The following DDX60L variants were observed in gnomAD, a reference collection of about 807,000 sequenced individuals.
DDX60L encodes probable ATP-dependent RNA helicase DDX60-like.
DDX60L carries 191 observed loss-of-function variants against 211.6 expected under a neutral mutation model. The observed-to-expected ratio is 0.90, with a 90% CI of 0.80 to 1.02. The LOEUF (loss-of-function observed/expected upper bound fraction) is 1.02, where lower values mean the gene tolerates loss of function less well. Ranked by LOEUF, DDX60L falls within the 50% of genes least tolerant of loss-of-function variation. DDX60L has a pLI of 0.00. For missense variants in DDX60L, 2,007 were observed against 1,984.1 expected, an observed-to-expected ratio of 1.01 and a Z score of -0.22; for synonymous variants, 706 against 694.1, an observed-to-expected ratio of 1.02 and a Z score of -0.27.
intron 29 of DDX60L, among the ~76,000 whole-genome samples, chr4:168,387,703 G>T (rs1744143344): frequency 6.6e-6 from 1 of 152,148 alleles, no homozygotes; most frequent in African/African-American, 2.4e-5. Flanking sequence ...AAAAGTAATT[G>T]GACGATCTGT....
chr4:168,407,757 G>T (rs1748003660), intron 22 of DDX60L, among the ~76,000 whole-genome samples: 1 of 152,184 alleles, frequency 6.6e-6, no homozygotes, highest in Non-Finnish European at 1.5e-5. Flanking sequence ...AGCAAAGAAA[G>T]GCTGTTTGAT....
intron 8 of DDX60L, among the ~76,000 whole-genome samples, chr4:168,449,805 TAA>T (rs777111638): frequency 2.0e-3 from 156 of 77,788 alleles, no homozygotes; most frequent in African/African-American, 3.6e-3. Flanking sequence ...TGGGTAAAAA[TAA>T]AAAAAAAAAA....
At chr4:168,476,376 A>G (rs919009014) in intron 1 of DDX60L, among the ~76,000 whole-genome samples, 10 of 152,194 alleles carry the variant, frequency 6.6e-5, no homozygotes, top group African/African-American at 2.4e-4. Context: ...TTGAACATCA[A>G]TGAATACTAA....
Position 168,369,617 on chromosome 4 carries a change from A to T in DDX60L, c.4928+1995T>A, listed in dbSNP as rs572480346. On this transcript the variant is annotated intron_variant, in intron 36 of 37. Coordinates refer to ENST00000682922, the MANE Select transcript of DDX60L (RefSeq NM_001012967.3). ...TACATCAAACTAAAAAGTTTTCCAC[A>T]GTAAAGAAAACAACAGAGTGGAGAG... Among the ~76,000 whole-genome samples, 5 of 152,322 alleles carry T rather than the reference A, an allele frequency of 3.3e-5. No individual in the cohort carries two copies. In the South Asian group the frequency reaches 8.3e-4, roughly 25 times the overall value.
chr4:168,365,720 C>T (rs949873865), intron 36 of DDX60L, among the ~76,000 whole-genome samples: 3 of 151,852 alleles, frequency 2.0e-5, no homozygotes, highest in Admixed American at 6.6e-5. Context: ...GATACAGCAA[C>T]AACAACAAAA....
intron 24 of DDX60L, among the ~76,000 whole-genome samples, chr4:168,404,781 T>A (rs1369492793): frequency 6.6e-6 from 1 of 152,198 alleles, no homozygotes; most frequent in Non-Finnish European, 1.5e-5. Context: ...ATCAGGAAAA[T>A]TAACATTAAA....
intron 4 of DDX60L, among the ~76,000 whole-genome samples, chr4:168,465,698 A>C (rs1291167587): frequency 1.3e-5 from 2 of 152,062 alleles, no homozygotes; most frequent in African/African-American, 2.4e-5. Flanking sequence ...GTTCAGTTTC[A>C]TTTTCCTGCA....
Position 168,400,846 on chromosome 4 carries a change from C to G in DDX60L, c.3471G>C (p.Val1157=). The change falls in exon 26 of 38, where the codon GTG becomes GTC. Residue 1157 remains valine (V), a synonymous_variant. Transcript: ENST00000682922. ...CTTACATCCTTTTCTGTGTCTTCCTCACTTTTTCAAGTACTTCATCTATTG... is the reference window on the plus strand; with the variant it reads ...CTTACATCCTTTTCTGTGTCTTCCTGACTTTTTCAAGTACTTCATCTATTG... ...VFAIDEVLEK[V]RKTQKRITKK... 6.2e-7 allele frequency: 1 copy of G among 1,612,156 alleles called. No homozygotes were observed. The highest frequency in any genetic ancestry group is 1.1e-5 in the South Asian group (1 of 90,412).
intron 28 of DDX60L, among the ~76,000 whole-genome samples, chr4:168,393,556 C>G (rs1043953382): frequency 3.9e-5 from 6 of 152,088 alleles, no homozygotes; most frequent in African/African-American, 1.4e-4. Flanking sequence ...TTCTACACAA[C>G]TCTTCACACA....
intron 29 of DDX60L, among the ~76,000 whole-genome samples, chr4:168,386,762 G>A (rs955483398): frequency 5.9e-5 from 9 of 152,032 alleles, no homozygotes; most frequent in African/African-American, 2.2e-4. Flanking sequence ...TGAAGATTAC[G>A]TGGTAGACAA....
chr4:168,371,829 AT>A, intron 35 of DDX60L, 66 bp from the exon 36 acceptor site: 2 of 1,395,622 alleles, frequency 1.4e-6, no homozygotes, highest in Middle Eastern at 1.9e-4. Context: ...GCAGTTTGAG[AT>A]TTCCTTTGTA....
rs760629963 is a variant in DDX60L, at chr4:168,375,379, ATTC to A, written c.4628_4630del (p.Arg1543del). 6 of 1,611,468 alleles carry A rather than the reference ATTC, an allele frequency of 3.7e-6. No homozygotes were observed. In the East Asian group the frequency reaches 1.3e-4, roughly 36 times the overall value. On this transcript the variant is annotated inframe_deletion, in exon 34 of 38. Transcript: ENST00000682922. ...GAATGGAACTAAAATCTGCTTACTGATTCTTGACAAAGGGAGTTGATGCTCTTT... is the reference window on the plus strand; with the variant it reads ...GAATGGAACTAAAATCTGCTTACTGATTGACAAAGGGAGTTGATGCTCTTT...
At chr4:168,476,860 C>T (rs1264723674) in intron 1 of DDX60L, among the ~76,000 whole-genome samples, 1 of 152,100 alleles carries the variant, frequency 6.6e-6, no homozygotes, top group South Asian at 2.1e-4. Flanking sequence ...GCCAGACTTT[C>T]GAGAAATAGG....
intron 28 of DDX60L, among the ~76,000 whole-genome samples, chr4:168,392,500 C>G (rs1439982218): frequency 6.6e-6 from 1 of 151,966 alleles, no homozygotes; most frequent in East Asian, 1.9e-4. Flanking sequence ...ATGAAAGGCT[C>G]AAATCACCAA....
intron 35 of DDX60L, among the ~76,000 whole-genome samples, chr4:168,372,059 C>T (rs1579209696): frequency 6.6e-6 from 1 of 152,124 alleles, no homozygotes; most frequent in East Asian, 1.9e-4. Context: ...TTTCAACCAT[C>T]CAACTACAAT....
intron 22 of DDX60L, among the ~76,000 whole-genome samples, chr4:168,412,808 C>T (rs1748915750): frequency 6.6e-6 from 1 of 152,204 alleles, no homozygotes; most frequent in Admixed American, 6.5e-5. Flanking sequence ...CTCTTCCCAG[C>T]TCCAGGCAGC....
intron 10 of DDX60L, among the ~76,000 whole-genome samples, chr4:168,439,811 C>T (rs1367560976): frequency 1.3e-5 from 2 of 152,118 alleles, no homozygotes; most frequent in Non-Finnish European, 2.9e-5. Flanking sequence ...ATAAACAAGG[C>T]TCAAGGATAA....
intron 13 of DDX60L, among the ~76,000 whole-genome samples, chr4:168,429,963 CA>C (rs1320331646): frequency 6.6e-6 from 1 of 152,154 alleles, no homozygotes; most frequent in Non-Finnish European, 1.5e-5. Context: ...TTTGGGAGGC[CA>C]AGGTGGGTGG....
chr4:168,406,226 A>G lies in DDX60L; in HGVS notation c.3085-148T>C, dbSNP rs1747725089. ...CTGTTGAACATCTTTTTACCTCCCA[A>G]TAATTTCTAACACATAAACCTATGA... On this transcript the variant is annotated intron_variant, in intron 23 of 37. Coordinates refer to ENST00000682922, the MANE Select transcript of DDX60L (RefSeq NM_001012967.3). 1.4e-5 allele frequency: 10 copies of G among 703,354 alleles called. No individual in the cohort carries two copies. The East Asian group carries it at 2.1e-4, about 15-fold the overall frequency. The allele number at this position is 703,354 out of a possible 1,614,324, so 43.6% of individuals were successfully genotyped here.
Sources: allele counts gnomAD v4.1 joint callset (sites outside exome capture counted in the v4.1 genomes callset), GRCh38; gene constraint gnomAD v4.1.1; transcripts MANE v1.5; gene names NCBI Gene and HGNC (gene_info 2026-07-23, HGNC 2026-07-21).